The following PSPC1 variants were observed in gnomAD, a reference collection of about 807,000 sequenced individuals.
The protein encoded by PSPC1 is paraspeckle protein 1.
Under a neutral mutation model 51.6 loss-of-function variants are expected in PSPC1, and 14 were observed. That is an observed-to-expected ratio of 0.27 (90% CI 0.18 to 0.42). The LOEUF (loss-of-function observed/expected upper bound fraction) is 0.42. Ranked by LOEUF, PSPC1 falls within the 10% of genes least tolerant of loss-of-function variation. The pLI, the probability that PSPC1 is intolerant of heterozygous loss-of-function variation, is 1.00. For synonymous variants in PSPC1, 193 were observed against 231.9 expected, an observed-to-expected ratio of 0.83 and a Z score of 1.53; for missense variants, 406 against 701.1, an observed-to-expected ratio of 0.58 and a Z score of 4.75.
At chr13:19,736,487 T>G (rs977215578) in intron 5 of PSPC1, among the ~76,000 whole-genome samples, 1 of 151,944 alleles carries the variant, frequency 6.6e-6, no homozygotes, top group Admixed American at 6.6e-5. Flanking sequence ...ATCGAGACCA[T>G]CCTGGCTAAC....
At chr13:19,738,354 T>A (rs1013499390) in intron 5 of PSPC1, among the ~76,000 whole-genome samples, 3 of 152,136 alleles carry the variant, frequency 2.0e-5, no homozygotes, top group Non-Finnish European at 4.4e-5. Context: ...CTCCCCCAGA[T>A]ACCAGAATCC....
chr13:19,689,486 GATT>G (rs967472518), intron 6 of PSPC1, among the ~76,000 whole-genome samples: 2 of 152,086 alleles, frequency 1.3e-5, no homozygotes, highest in African/African-American at 4.8e-5. Context: ...ACTATAATGT[GATT>G]ATTAACCAAA....
intron 1 of PSPC1, among the ~76,000 whole-genome samples, chr13:19,776,751 C>A (rs1889170770): frequency 6.6e-6 from 1 of 151,744 alleles, no homozygotes; most frequent in Non-Finnish European, 1.5e-5. Flanking sequence ...TCATGATACG[C>A]CTGCCTCGGC....
intron 6 of PSPC1, among the ~76,000 whole-genome samples, chr13:19,694,179 A>G (rs939081804): frequency 7.2e-6 from 1 of 138,954 alleles, no homozygotes; most frequent in Non-Finnish European, 1.5e-5. Context: ...ATACACACAT[A>G]CACACACACA....
At chr13:19,712,319 T>C (rs985053069) in intron 6 of PSPC1, among the ~76,000 whole-genome samples, 10 of 152,196 alleles carry the variant, frequency 6.6e-5, no homozygotes, top group African/African-American at 2.4e-4. Context: ...ATTTCAATTT[T>C]CAACTACCCC....
At chr13:19,698,612 A>G (rs1879523819), downstream of PSPC1, among the ~76,000 whole-genome samples, 2 of 151,916 alleles carry the variant, frequency 1.3e-5, no homozygotes, top group Admixed American at 1.3e-4. Context: ...TATATTCCAC[A>G]AGACAGAACT....
chr13:19,764,355 C>G (rs967635299), intron 2 of PSPC1, among the ~76,000 whole-genome samples: 9 of 152,044 alleles, frequency 5.9e-5, no homozygotes, highest in African/African-American at 2.2e-4. Flanking sequence ...GCACTGCATG[C>G]ATGCACAATA....
chr13:19,740,284 T>C (rs1593675275), intron 5 of PSPC1, among the ~76,000 whole-genome samples: 1 of 150,598 alleles, frequency 6.6e-6, no homozygotes, highest in Admixed American at 6.6e-5. Flanking sequence ...CGGAGGTTGC[T>C]GTGAGCCGAG....
intron 6 of PSPC1, among the ~76,000 whole-genome samples, chr13:19,692,465 C>T (rs975069169): frequency 3.9e-5 from 6 of 152,054 alleles, no homozygotes; most frequent in Non-Finnish European, 8.8e-5. Context: ...GTTGCAAGAG[C>T]AAAAGTAAAA....
At chr13:19,684,921 T>C (rs555130259) in intron 6 of PSPC1, among the ~76,000 whole-genome samples, 1 of 152,186 alleles carries the variant, frequency 6.6e-6, no homozygotes, top group Non-Finnish European at 1.5e-5. Context: ...TGCTTTAACA[T>C]AGAATGACAA....
rs1888204437 is a variant in PSPC1, at chr13:19,767,680, A to T, written c.674+4562T>A. On this transcript the variant is annotated intron_variant, in intron 2 of 8. Transcript: ENST00000338910. Reference sequence around the variant, plus strand: ...CCTGGTAACAAAGGGGAAATCATAAATTTTTTCAATTAATGGTGCTGGAAC... The same window carrying T: ...CCTGGTAACAAAGGGGAAATCATAATTTTTTTCAATTAATGGTGCTGGAAC... Among the ~76,000 whole-genome samples the T allele has an allele frequency of 2.6e-5, 4 of 152,072 alleles. No individual in the cohort carries two copies. The South Asian group carries it at 8.3e-4, about 31-fold the overall frequency.
intron 5 of PSPC1, among the ~76,000 whole-genome samples, chr13:19,737,895 A>AAT (rs1311834385): frequency 1.3e-5 from 2 of 152,066 alleles, no homozygotes; most frequent in Non-Finnish European, 2.9e-5. Flanking sequence ...ATACCAGCCT[A>AAT]AGCAACATAG....
At chr13:19,690,897 C>A (rs1465600442) in intron 6 of PSPC1, among the ~76,000 whole-genome samples, 1 of 152,118 alleles carries the variant, frequency 6.6e-6, no homozygotes. Flanking sequence ...TTACTCTGAC[C>A]CTTTAGTGTA....
intron 6 of PSPC1, among the ~76,000 whole-genome samples, chr13:19,723,869 A>C (rs1883060160): frequency 6.6e-6 from 1 of 152,252 alleles, no homozygotes; most frequent in Non-Finnish European, 1.5e-5. Flanking sequence ...CACAACTAGA[A>C]CATTACATAT....
Position 19,677,212 on chromosome 13 carries a change from G to A in PSPC1, c.*76+512C>T, listed in dbSNP as rs113568402. 7.9e-3 allele frequency among the ~76,000 whole-genome samples: 1,117 copies of A among 142,030 alleles called. 9 individuals are homozygous for A. Among genetic ancestry groups the A allele is most frequent in the Non-Finnish European group, 0.012 (780 of 65,902 alleles). The allele number at this position is 142,030 out of a possible 152,430, so 93.2% of individuals were successfully genotyped here. ...CGTGCCACTGCACTCCAGCCTGGGCGACAGAGCAAGACTCCGTCTCAAAAA... is the reference window on the plus strand; with the variant it reads ...CGTGCCACTGCACTCCAGCCTGGGCAACAGAGCAAGACTCCGTCTCAAAAA... On this transcript the variant is annotated intron_variant and NMD_transcript_variant, in intron 7 of 7. Coordinates refer to the PSPC1 transcript ENST00000471658.
At chr13:19,741,702 T>C in intron 4 of PSPC1, 53 bp from the exon 5 acceptor site, 1 of 1,206,138 alleles carries the variant, frequency 8.3e-7, no homozygotes, top group South Asian at 1.4e-5. Context: ...TCCATATTTT[T>C]ATACCAATAA....
chr13:19,704,068 G>A (rs2137728792), intron 8 of PSPC1, among the ~76,000 whole-genome samples: 1 of 152,372 alleles, frequency 6.6e-6, no homozygotes, highest in East Asian at 1.9e-4. Context: ...AAATGTCAGT[G>A]CAAAACAGAC....
chr13:19,741,452 G>A, intron 5 of PSPC1, 113 bp downstream of exon 5: 2 of 718,818 alleles, frequency 2.8e-6, no homozygotes, highest in Non-Finnish European at 4.5e-6. Context: ...GTTAAAATGG[G>A]CAATTTTTCT....
At chr13:19,701,372 A>C (rs527443961), downstream of PSPC1, among the ~76,000 whole-genome samples, 2 of 151,346 alleles carry the variant, frequency 1.3e-5, no homozygotes. Context: ...GAAAAACTGT[A>C]ATCAATGTTA....
Sources: gnomAD v4.1 joint callset for allele counts (sites outside exome capture counted in the v4.1 genomes callset) on GRCh38, gnomAD v4.1.1 for gene constraint, MANE v1.5 for transcripts, NCBI Gene and HGNC (gene_info 2026-07-23, HGNC 2026-07-21) for gene names.